Variants in PACRG observed in about 807,000 individuals in gnomAD.
PACRG encodes the protein parkin coregulated gene protein.
In PACRG, 29 loss-of-function variants were observed where a neutral mutation model predicts 29.7. The ratio of observed to expected loss-of-function variants is 0.98; its 90% confidence interval spans 0.73 to 1.33. PACRG has a LOEUF of 1.33. Among genes scored for constraint, PACRG ranks in the 40% most tolerant of loss-of-function variants. The pLI is 0.00. For missense variants in PACRG, 279 were observed against 316.2 expected (o/e 0.88, Z 0.89); for synonymous variants, 116 against 118.7 (o/e 0.98, Z 0.15).
intron 4 of PACRG, chr6:163,310,397 TGGCTAATTA>T (rs1246207540): frequency 1.3e-5 from 2 of 152,222 alleles, no homozygotes; most frequent in Admixed American, 6.5e-5. Flanking sequence ...ACAGGAAGCG[TGGCTAATTA>T]GGCTTCCTCA....
At chr6:163,111,074 T>C (rs1245072532) in intron 4 of PACRG, among the ~76,000 whole-genome samples, 1 of 151,806 alleles carries the variant, frequency 6.6e-6, no homozygotes, top group Non-Finnish European at 1.5e-5. Context: ...GTGCATGTTG[T>C]CATTTATAGT....
chr6:162,875,114 CACAT>C (rs1311166377), intron 2 of PACRG, among the ~76,000 whole-genome samples: 13 of 152,162 alleles, frequency 8.5e-5, no homozygotes, highest in African/African-American at 2.2e-4. Flanking sequence ...TGCACACTCA[CACAT>C]ACATAGTCAT....
At chr6:163,037,237 C>A (rs1282217534) in intron 2 of PACRG, among the ~76,000 whole-genome samples, 1 of 152,188 alleles carries the variant, frequency 6.6e-6, no homozygotes, top group African/African-American at 2.4e-5. Flanking sequence ...CCCTTACTCC[C>A]TTCTCTCCCC....
At chr6:162,985,010 G>A (rs1478757732) in intron 2 of PACRG, among the ~76,000 whole-genome samples, 1 of 151,642 alleles carries the variant, frequency 6.6e-6, no homozygotes, top group African/African-American at 2.4e-5. Flanking sequence ...CTTAAGGAAG[G>A]AATAGAATCT....
intron 1 of PACRG, among the ~76,000 whole-genome samples, chr6:162,753,731 ACTCT>A (rs905034242): frequency 2.0e-5 from 3 of 149,726 alleles, no homozygotes; most frequent in African/African-American, 4.9e-5. Context: ...AGCTTTTTTC[ACTCT>A]CTCTCTCTCT....
At chr6:162,798,180 C>A (rs940055667) in intron 1 of PACRG, among the ~76,000 whole-genome samples, 1 of 152,146 alleles carries the variant, frequency 6.6e-6, no homozygotes, top group South Asian at 2.1e-4. Flanking sequence ...TTGATCCAAC[C>A]TTTTCCCTCT....
intron 4 of PACRG, among the ~76,000 whole-genome samples, chr6:163,131,785 A>G (rs1395612481): frequency 6.6e-6 from 1 of 152,178 alleles, no homozygotes; most frequent in Non-Finnish European, 1.5e-5. Context: ...AAAATTCTAC[A>G]CAAGGGTCGT....
At position 162,826,434 on chromosome 6, in the gene PACRG, A is replaced by G. The variant is rs549878361; in HGVS notation, c.291+12153A>G. Among the ~76,000 whole-genome samples the G allele has an allele frequency of 2.2e-3, 338 of 151,208 alleles. 2 individuals are homozygous for G. Among genetic ancestry groups the G allele is most frequent in the African/African-American group, 7.9e-3 (327 of 41,248 alleles). On this transcript the variant is annotated intron_variant, in intron 2 of 4. Coordinates refer to ENST00000366888, the MANE Select transcript of PACRG (RefSeq NM_001080379.2). The stretch of plus-strand genomic sequence containing the variant: ...GTAGACATTTTGTTCCTATTTCAGT[A>G]CTGGAGTAAAGATTTTTCTTTTTTC...
chr6:163,030,930 G>A (rs2128227876), intron 2 of PACRG, among the ~76,000 whole-genome samples: 1 of 152,286 alleles, frequency 6.6e-6, no homozygotes, highest in East Asian at 1.9e-4. Context: ...TGTATCTTGT[G>A]CTGACCTCCT....
intron 2 of PACRG, chr6:162,997,612 C>T (rs771448967): frequency 8.8e-5 from 25 of 283,472 alleles, no homozygotes; most frequent in Middle Eastern, 4.8e-4. Context: ...TTGAAAGCAA[C>T]GCAGTGGTAA....
intron 4 of PACRG, among the ~76,000 whole-genome samples, chr6:163,313,134 G>C (rs1300370641): frequency 6.6e-6 from 1 of 150,544 alleles, no homozygotes; most frequent in Non-Finnish European, 1.5e-5. Flanking sequence ...ATAACATTTT[G>C]AATATTTGGG....
chr6:163,169,269 C>T (rs192966761), intron 4 of PACRG, among the ~76,000 whole-genome samples: 30 of 152,284 alleles, frequency 2.0e-4, no homozygotes, highest in Admixed American at 1.4e-3. Flanking sequence ...CATGGAGTCA[C>T]ATTTGATGTT....
intron 2 of PACRG, among the ~76,000 whole-genome samples, chr6:163,001,904 GA>G (rs774887857): frequency 6.6e-6 from 1 of 152,154 alleles, no homozygotes; most frequent in Non-Finnish European, 1.5e-5. Flanking sequence ...ACTCATCCAA[GA>G]AGTCCACTGA....
chr6:162,799,727 C>CA (rs1206947464), intron 1 of PACRG, among the ~76,000 whole-genome samples: 3 of 151,588 alleles, frequency 2.0e-5, no homozygotes, highest in Non-Finnish European at 4.4e-5. Flanking sequence ...TGGAGAATTT[C>CA]AGTTTGCATC....
At chr6:162,802,189 T>A (rs1785933671) in intron 1 of PACRG, among the ~76,000 whole-genome samples, 1 of 152,208 alleles carries the variant, frequency 6.6e-6, no homozygotes, top group Non-Finnish European at 1.5e-5. Flanking sequence ...TTGGAGCTAA[T>A]GTATTTGAGT....
At chr6:162,970,568 CA>C (rs1801445270) in intron 2 of PACRG, among the ~76,000 whole-genome samples, 1 of 152,174 alleles carries the variant, frequency 6.6e-6, no homozygotes, top group African/African-American at 2.4e-5. Flanking sequence ...CTTCCTCACC[CA>C]AGAATAATCG....
chr6:163,045,779 C>T (rs774456246), intron 2 of PACRG, among the ~76,000 whole-genome samples: 7 of 151,718 alleles, frequency 4.6e-5, no homozygotes, highest in Admixed American at 6.6e-5. Context: ...TGCGCTACCA[C>T]GCCTTTTTGT....
chr6:163,285,325 G>A (rs1190189388), intron 4 of PACRG, among the ~76,000 whole-genome samples: 1 of 151,742 alleles, frequency 6.6e-6, no homozygotes, highest in Non-Finnish European at 1.5e-5. Flanking sequence ...CGTCCCTCCC[G>A]CTTCCCCTGA....
At chr6:162,729,562 A>G (rs1779584426) in intron 1 of PACRG, among the ~76,000 whole-genome samples, 1 of 152,132 alleles carries the variant, frequency 6.6e-6, no homozygotes, top group Non-Finnish European at 1.5e-5. Context: ...GTTGTAACTA[A>G]TTCTTTTTCA....
Sources: gnomAD v4.1 joint callset for allele counts (sites outside exome capture counted in the v4.1 genomes callset) on GRCh38, gnomAD v4.1.1 for gene constraint, MANE v1.5 for transcripts, NCBI Gene and HGNC (gene_info 2026-07-23, HGNC 2026-07-21) for gene names.